The following SORCS3 variants were observed in gnomAD, a reference collection of about 807,000 sequenced individuals.
SORCS3 encodes the protein sortilin related VPS10 domain containing receptor 3.
Under a neutral mutation model 146.3 loss-of-function variants are expected in SORCS3, and 57 were observed. The observed-to-expected ratio is 0.39, with a 90% CI of 0.31 to 0.49. The LOEUF (loss-of-function observed/expected upper bound fraction) is 0.49, where lower values mean the gene tolerates loss of function less well. Among genes scored for constraint, SORCS3 ranks in the 20% least tolerant of loss-of-function variants. The probability of loss-of-function intolerance (pLI) is 0.92; values close to 1 mark genes in which losing one functional copy is unlikely to be tolerated. For missense variants in SORCS3, 1,341 were observed against 1,575.5 expected (o/e 0.85, Z 2.52); for synonymous variants, 653 against 618.5 (o/e 1.06, Z -0.83).
At chr10:104,964,254 T>G (rs905015051) in intron 3 of SORCS3, among the ~76,000 whole-genome samples, 1 of 152,236 alleles carries the variant, frequency 6.6e-6, no homozygotes, top group Non-Finnish European at 1.5e-5. Flanking sequence ...GTTTCCTTGC[T>G]GACCTCATTT....
chr10:105,153,150 T>C (rs2056179585), intron 9 of SORCS3, among the ~76,000 whole-genome samples: 3 of 152,138 alleles, frequency 2.0e-5, no homozygotes, highest in South Asian at 2.1e-4. Context: ...GACAAACACA[T>C]ACCTGCCCTC....
At chr10:105,207,282 T>TTATTATTATTATTAC (rs2056608132) in intron 16 of SORCS3, among the ~76,000 whole-genome samples, 1 of 148,852 alleles carries the variant, frequency 6.7e-6, no homozygotes, top group South Asian at 2.1e-4. Context: ...TTTATTATTA[T>TTATTATTATTATTAC]TATTATTATT....
At chr10:104,704,123 T>C (rs2016310505) in intron 1 of SORCS3, among the ~76,000 whole-genome samples, 1 of 152,086 alleles carries the variant, frequency 6.6e-6, no homozygotes, top group Admixed American at 6.5e-5. Context: ...AGTTTTGGAT[T>C]TGTTGTCAGC....
At chr10:104,915,969 C>T (rs1395955034) in intron 3 of SORCS3, 37 bp downstream of exon 3, 2 of 1,505,102 alleles carry the variant, frequency 1.3e-6, no homozygotes, top group East Asian at 4.5e-5. Flanking sequence ...AGCACTCCTG[C>T]TGGGTAGCTG....
At chr10:104,907,882 T>G (rs894403602) in intron 2 of SORCS3, among the ~76,000 whole-genome samples, 1 of 152,256 alleles carries the variant, frequency 6.6e-6, no homozygotes, top group Non-Finnish European at 1.5e-5. Flanking sequence ...TGAAATTAGT[T>G]ATCTGGATGG....
chr10:105,252,828 C>A lies in SORCS3; in HGVS notation c.3159C>A (p.Pro1053=), dbSNP rs763182704. ...QILIAVFPGL[P]TSAELFILPP... is the part of the protein sequence containing the mutation. ...TCATTGCCGTGTTTCCTGGTCTCCC[C>A]ACTTCAGCAGAGCTTTTCATTCTTC... The change falls in exon 23 of 27, where the codon CCC becomes CCA. Residue 1053 remains proline, a synonymous_variant. Transcript: ENST00000369701. 1.2e-6 allele frequency: 2 copies of A among 1,614,080 alleles called. No individual in the cohort carries two copies. Among genetic ancestry groups the A allele is most frequent in the Non-Finnish European group, 1.7e-6 (2 of 1,179,984 alleles).
At chr10:104,890,473 CATTA>C (rs1279483073) in intron 2 of SORCS3, among the ~76,000 whole-genome samples, 1 of 151,976 alleles carries the variant, frequency 6.6e-6, no homozygotes, top group African/African-American at 2.4e-5. Flanking sequence ...TCTAATCTGT[CATTA>C]ATCCCTTTTA....
intron 1 of SORCS3, among the ~76,000 whole-genome samples, chr10:104,706,565 C>T (rs189063593): frequency 6.6e-6 from 1 of 152,268 alleles, no homozygotes; most frequent in East Asian, 1.9e-4. Context: ...TATTAAAATT[C>T]AGTATGTGTA....
intron 1 of SORCS3, among the ~76,000 whole-genome samples, chr10:104,788,173 G>A (rs924762748): frequency 6.6e-6 from 1 of 152,172 alleles, no homozygotes; most frequent in African/African-American, 2.4e-5. Context: ...TGAGGAAGGT[G>A]GAGTAATTGA....
intron 8 of SORCS3, among the ~76,000 whole-genome samples, chr10:105,146,465 G>T (rs576183429): frequency 2.0e-5 from 3 of 152,132 alleles, no homozygotes; most frequent in African/African-American, 7.2e-5. Context: ...GTGGCGGACC[G>T]TAAGAACATA....
chr10:105,052,507 T>A (rs2055420237), intron 5 of SORCS3, among the ~76,000 whole-genome samples: 1 of 152,132 alleles, frequency 6.6e-6, no homozygotes, highest in African/African-American at 2.4e-5. Flanking sequence ...GAGCAAACTT[T>A]ACTTTTGTCA....
At chr10:104,913,240 G>A (rs1443445896) in intron 2 of SORCS3, among the ~76,000 whole-genome samples, 2 of 152,136 alleles carry the variant, frequency 1.3e-5, no homozygotes, top group Non-Finnish European at 2.9e-5. Context: ...ATGGGGGAGG[G>A]AGAAGACTGG....
rs1230514486 is a variant in SORCS3 at position 105,078,786 on chromosome 10, G to A, written c.1029-10989G>A. ...GGTGCCATTATTACCTCCCCATTGT[G>A]CCGATGAAAAAATTTGAGGCATAGA... On this transcript the variant is annotated intron_variant, in intron 5 of 26. Transcript: ENST00000369701. Among the ~76,000 whole-genome samples the A allele has an allele frequency of 2.0e-5, 3 of 152,214 alleles. No homozygotes were observed. The East Asian group carries it at 5.8e-4, about 29-fold the overall frequency.
intron 5 of SORCS3, among the ~76,000 whole-genome samples, chr10:105,045,665 C>A (rs903016367): frequency 2.6e-5 from 4 of 152,074 alleles, no homozygotes; most frequent in African/African-American, 7.2e-5. Context: ...ATATGCATTT[C>A]TCTGGGTATA....
chr10:104,736,190 GGGCTGCA>G (rs1343766241), intron 1 of SORCS3, among the ~76,000 whole-genome samples: 4 of 152,136 alleles, frequency 2.6e-5, no homozygotes, highest in African/African-American at 9.7e-5. Context: ...TTGAGTTCCT[GGGCTGCA>G]GGCTTGAGTG....
chr10:104,852,890 T>C (rs1271640830), intron 2 of SORCS3, among the ~76,000 whole-genome samples: 1 of 152,214 alleles, frequency 6.6e-6, no homozygotes, highest in East Asian at 1.9e-4. Context: ...AGAGAGTGGT[T>C]CCACAAGAGA....
chr10:105,235,485 GTT>G (rs796536889), intron 20 of SORCS3, among the ~76,000 whole-genome samples: 1 of 138,224 alleles, frequency 7.2e-6, no homozygotes, highest in African/African-American at 2.6e-5. Flanking sequence ...GAAAACTCTG[GTT>G]TTTTTTTTTT....
At chr10:104,950,460 T>G (rs2019417075) in intron 3 of SORCS3, among the ~76,000 whole-genome samples, 3 of 152,236 alleles carry the variant, frequency 2.0e-5, no homozygotes, top group Non-Finnish European at 4.4e-5. Flanking sequence ...CATGGGAAAG[T>G]TAAAGGAAGC....
At chr10:104,908,200 G>A (rs2018928671) in intron 2 of SORCS3, among the ~76,000 whole-genome samples, 1 of 152,210 alleles carries the variant, frequency 6.6e-6, no homozygotes, top group African/African-American at 2.4e-5. Flanking sequence ...CCCAAGGCCT[G>A]GCACTTGGAA....
Sources: gnomAD v4.1 joint callset for allele counts (sites outside exome capture counted in the v4.1 genomes callset) on GRCh38, gnomAD v4.1.1 for gene constraint, MANE v1.5 for transcripts, NCBI Gene and HGNC (gene_info 2026-07-23, HGNC 2026-07-21) for gene names.